Variants in SFXN5 observed in about 807,000 individuals in gnomAD.
SFXN5 encodes the protein sideroflexin 5.
In SFXN5, 43 loss-of-function variants were observed where a neutral mutation model predicts 50.2. The observed-to-expected ratio is 0.86, with a 90% CI of 0.67 to 1.11. SFXN5 has a LOEUF of 1.11. SFXN5 is among the 50% of genes least tolerant of loss of function. The pLI, the probability that SFXN5 is intolerant of heterozygous loss-of-function variation, is 0.00. For missense variants in SFXN5, 463 were observed against 454.1 expected (o/e 1.02, Z -0.18); for synonymous variants, 203 against 185.8 (o/e 1.09, Z -0.75).
chr2:72,947,096 C>T (rs530346476), intron 13 of SFXN5, among the ~76,000 whole-genome samples: 9 of 152,326 alleles, frequency 5.9e-5, no homozygotes, highest in South Asian at 2.1e-4. Context: ...CTACGCTGGG[C>T]GTGGCCACCT....
intron 6 of SFXN5, among the ~76,000 whole-genome samples, chr2:73,017,710 T>C (rs1676350801): frequency 6.6e-6 from 1 of 152,162 alleles, no homozygotes; most frequent in Non-Finnish European, 1.5e-5. Flanking sequence ...AACATCGAGA[T>C]GTTTGATGGG....
rs750242339 is a variant in SFXN5, at chr2:72,968,508, C to G, written c.767G>C (p.Arg256Pro). The change falls in exon 12 of 14, where the codon CGA becomes CCA. Residue 256 changes from arginine to proline, a missense_variant. Physicochemically the swap from Arg to Pro is moderately radical, Grantham distance 103. Coordinates refer to ENST00000272433, the MANE Select transcript of SFXN5 (RefSeq NM_144579.3). ...RHALLETALT[R>P]VVLPMPILVL... is the part of the protein sequence containing the mutation. The stretch of plus-strand genomic sequence containing the variant: ...CAGGATGGGCATGGGCAGGACCACT[C>G]GCGTCAGCGCCGTCTCCAGCAGGGC... 1.2e-6 allele frequency: 2 copies of G among 1,613,336 alleles called. No individual in the cohort carries two copies. Among genetic ancestry groups the G allele is most frequent in the East Asian group, 4.5e-5 (2 of 44,870 alleles).
chr2:73,056,578 C>T (rs1262129579), intron 2 of SFXN5, among the ~76,000 whole-genome samples: 6 of 146,362 alleles, frequency 4.1e-5, no homozygotes, highest in Admixed American at 1.4e-4. Flanking sequence ...CCAGCTACTT[C>T]GAAGGCTGAG....
intron 9 of SFXN5, among the ~76,000 whole-genome samples, chr2:72,995,716 G>C (rs1673143277): frequency 6.6e-6 from 1 of 152,158 alleles, no homozygotes. Context: ...CCTGGGAGGG[G>C]ATTTGTCACT....
At chr2:73,015,530 G>A (rs946477825) in intron 6 of SFXN5, among the ~76,000 whole-genome samples, 1 of 151,506 alleles carries the variant, frequency 6.6e-6, no homozygotes, top group African/African-American at 2.4e-5. Flanking sequence ...ATGTTGCCCA[G>A]GCTGGTCTCA....
intron 3 of SFXN5, among the ~76,000 whole-genome samples, chr2:73,024,932 A>T (rs1054941095): frequency 3.9e-5 from 6 of 152,186 alleles, no homozygotes; most frequent in Admixed American, 3.9e-4. Flanking sequence ...AGTCCCTCAA[A>T]CCTTACTTCA....
At chr2:73,044,030 T>G (rs919758295) in intron 2 of SFXN5, among the ~76,000 whole-genome samples, 3 of 152,154 alleles carry the variant, frequency 2.0e-5, no homozygotes, top group Non-Finnish European at 4.4e-5. Flanking sequence ...CCCTTAAGCC[T>G]GCCCCTCCGG....
chr2:72,961,635 C>T lies in SFXN5; in HGVS notation c.828-387G>A, dbSNP rs575260730. Among the ~76,000 whole-genome samples the T allele has an allele frequency of 3.9e-5, 6 of 152,282 alleles. No individual in the cohort carries two copies. The South Asian group carries it at 6.2e-4, about 16-fold the overall frequency. ...GGGGAGACACATAGGGACGTAAGAT[C>T]GCTCTCGAGGGCAGCACGTAATTAA... On this transcript the variant is annotated intron_variant, in intron 12 of 13. Transcript: ENST00000272433. The surrounding 1 kb of genome is among the most constrained non-coding windows in gnomAD (Gnocchi z 4.4).
At chr2:73,061,307 C>CAAAAAAA in intron 1 of SFXN5, among the ~76,000 whole-genome samples, 1 of 71,720 alleles carries the variant, frequency 1.4e-5, no homozygotes, top group Non-Finnish European at 3.3e-5. Flanking sequence ...GACTCTGTCT[C>CAAAAAAA]AAAAAAAAAA....
At chr2:73,058,420 C>T (rs1283666058) in intron 2 of SFXN5, 108 bp downstream of exon 2, 1 of 1,013,666 alleles carries the variant, frequency 9.9e-7, no homozygotes, top group Non-Finnish European at 1.6e-6. Flanking sequence ...CTCTCACCTC[C>T]CCTATTCTCT....
chr2:72,987,479 C>T (rs865865935), intron 10 of SFXN5, among the ~76,000 whole-genome samples: 3 of 151,676 alleles, frequency 2.0e-5, no homozygotes, highest in Non-Finnish European at 4.4e-5. Flanking sequence ...AATTAGTGAC[C>T]GGGCATGGTG....
chr2:72,975,492 G>A (rs1224687674), intron 10 of SFXN5, among the ~76,000 whole-genome samples: 1 of 152,078 alleles, frequency 6.6e-6, no homozygotes, highest in African/African-American at 2.4e-5. Context: ...TGCAGCAATG[G>A]GCTACTGATT....
chr2:73,020,083 T>C (rs906189756), intron 6 of SFXN5, 156 bp downstream of exon 6: 6 of 659,606 alleles, frequency 9.1e-6, no homozygotes, highest in East Asian at 2.8e-5. Flanking sequence ...TCAAGAGATG[T>C]GGTAAGAAAT....
At chr2:73,022,601 G>A in intron 4 of SFXN5, 25 bp from the exon 5 acceptor site, 1 of 1,479,504 alleles carries the variant, frequency 6.8e-7, no homozygotes, top group Non-Finnish European at 9.4e-7. Flanking sequence ...AACAGAGAAT[G>A]GGGTGGGGAC....
chr2:73,015,288 T>C (rs1049736100), intron 6 of SFXN5, among the ~76,000 whole-genome samples: 1 of 152,238 alleles, frequency 6.6e-6, no homozygotes, highest in African/African-American at 2.4e-5. Flanking sequence ...TGTTATCATA[T>C]TTGGTAAAAA....
At chr2:73,060,130 T>G (rs1266017273) in intron 1 of SFXN5, among the ~76,000 whole-genome samples, 1 of 152,196 alleles carries the variant, frequency 6.6e-6, no homozygotes, top group East Asian at 1.9e-4. Context: ...ATCCAGATCC[T>G]GGTCCACTAA....
intron 2 of SFXN5, among the ~76,000 whole-genome samples, chr2:73,052,345 TGTGTGTGTGTATGC>T (rs1365945218): frequency 7.5e-6 from 1 of 133,522 alleles, no homozygotes; most frequent in East Asian, 2.5e-4. Flanking sequence ...AGAGAGTGTG[TGTGTGTGTGTATGC>T]GTGTGTGTGT....
At chr2:73,032,254 A>G (rs1164885300) in intron 3 of SFXN5, among the ~76,000 whole-genome samples, 2 of 152,112 alleles carry the variant, frequency 1.3e-5, no homozygotes, top group African/African-American at 4.8e-5. Context: ...TCCACTTTAA[A>G]CTACAATTCC....
chr2:73,016,695 C>T (rs1452361311), intron 6 of SFXN5, among the ~76,000 whole-genome samples: 1 of 152,134 alleles, frequency 6.6e-6, no homozygotes, highest in East Asian at 1.9e-4. Flanking sequence ...CAGAGTGAGA[C>T]TCTGTCTAAA....
Sources: allele counts gnomAD v4.1 joint callset (sites outside exome capture counted in the v4.1 genomes callset), GRCh38; gene constraint gnomAD v4.1.1; non-coding constraint Gnocchi (gnomAD v3.1); transcripts MANE v1.5; gene names NCBI Gene and HGNC (gene_info 2026-07-23, HGNC 2026-07-21).